The following FAM117B variants were observed in gnomAD, a reference collection of about 807,000 sequenced individuals.
FAM117B encodes the protein family with sequence similarity 117 member B.
FAM117B carries 22 observed loss-of-function variants against 52.8 expected under a neutral mutation model. The ratio of observed to expected loss-of-function variants is 0.42; its 90% CI spans 0.30 to 0.59. The LOEUF (loss-of-function observed/expected upper bound fraction) is 0.59, where lower values mean the gene tolerates loss of function less well. FAM117B is among the 20% of genes least tolerant of loss of function. FAM117B has a pLI of 0.22. For synonymous variants in FAM117B, 309 were observed against 324.1 expected, an observed-to-expected ratio of 0.95 and a Z score of 0.50; for missense variants, 678 against 802.6, an observed-to-expected ratio of 0.84 and a Z score of 1.88.
At chr2:202,748,599 TAAA>T (rs1691671529) in intron 4 of FAM117B, among the ~76,000 whole-genome samples, 1 of 151,858 alleles carries the variant, frequency 6.6e-6, no homozygotes, top group Non-Finnish European at 1.5e-5. Context: ...AGAATCCCAT[TAAA>T]AAATGGGCAA....
At position 202,635,114 on chromosome 2, in the gene FAM117B, C is replaced by T. The variant is rs1574534125; in HGVS notation, c.-74C>T. 4 of 1,251,076 alleles carry T rather than the reference C, an allele frequency of 3.2e-6. No homozygotes were observed. The South Asian group carries it at 1.2e-4, about 38-fold the overall frequency. 77.5% of individuals were successfully genotyped at this position (1,251,076 alleles called of 1,614,324 possible). A position where few individuals can be genotyped will look rare whatever the true frequency, so the allele number is the denominator to read the frequency against. Reference sequence around the variant, plus strand: ...TCTTGGGGGGCCTGCCCTCCGGCCTCGAGAATCCTCCCCCTGCAGCCCAAC... The same window carrying T: ...TCTTGGGGGGCCTGCCCTCCGGCCTTGAGAATCCTCCCCCTGCAGCCCAAC... On this transcript the variant is annotated 5_prime_UTR_variant, in exon 1 of 8. It introduces an in-frame stop codon into an upstream open reading frame of the 5' UTR. Transcript: ENST00000392238.
chr2:202,755,923 G>GTATTTAGAAACCATTAGGTGATA (rs1239026755), intron 5 of FAM117B, among the ~76,000 whole-genome samples: 1 of 152,120 alleles, frequency 6.6e-6, no homozygotes, highest in Non-Finnish European at 1.5e-5. Flanking sequence ...TTGTTTGTCT[G>GTATTTAGAAACCATTAGGTGATA]TATTTAGAAA....
chr2:202,676,994 A>G (rs1458505323), intron 1 of FAM117B, among the ~76,000 whole-genome samples: 1 of 152,042 alleles, frequency 6.6e-6, no homozygotes, highest in Non-Finnish European at 1.5e-5. Flanking sequence ...CACCCTTACC[A>G]CTAATAGCAT....
At chr2:202,749,655 C>T (rs1334265810) in intron 4 of FAM117B, among the ~76,000 whole-genome samples, 20 of 152,092 alleles carry the variant, frequency 1.3e-4, no homozygotes, top group Non-Finnish European at 5.9e-5. Flanking sequence ...AGTCCAGGCA[C>T]AGTGACTCAT....
intron 1 of FAM117B, among the ~76,000 whole-genome samples, chr2:202,690,367 GAA>G (rs531984778): frequency 1.5e-3 from 223 of 152,122 alleles, no homozygotes; most frequent in African/African-American, 4.9e-3. Context: ...AATTAACAAA[GAA>G]AATTAATTTT....
intron 1 of FAM117B, among the ~76,000 whole-genome samples, chr2:202,656,291 G>C (rs1245763566): frequency 6.6e-6 from 1 of 152,040 alleles, no homozygotes; most frequent in East Asian, 1.9e-4. Context: ...TGGTTTCTCA[G>C]ATGGAAGCTT....
intron 3 of FAM117B, among the ~76,000 whole-genome samples, chr2:202,725,921 A>G (rs1316115906): frequency 1.3e-5 from 2 of 152,250 alleles, no homozygotes; most frequent in Non-Finnish European, 2.9e-5. Flanking sequence ...CTAAATTGAA[A>G]TAAAAATTAA....
chr2:202,675,764 C>G (rs1240829044), intron 1 of FAM117B, among the ~76,000 whole-genome samples: 1 of 152,034 alleles, frequency 6.6e-6, no homozygotes, highest in East Asian at 1.9e-4. Context: ...GTGGGCAGAT[C>G]ACTTGAGGTC....
intron 1 of FAM117B, among the ~76,000 whole-genome samples, chr2:202,691,150 C>T (rs1690615712): frequency 6.6e-6 from 1 of 152,066 alleles, no homozygotes; most frequent in Non-Finnish European, 1.5e-5. Context: ...CATGGTGGCT[C>T]ACGTCTGTAA....
At chr2:202,703,640 C>T (rs778706796) in intron 2 of FAM117B, among the ~76,000 whole-genome samples, 1 of 152,204 alleles carries the variant, frequency 6.6e-6, no homozygotes, top group Non-Finnish European at 1.5e-5. Flanking sequence ...AGGCAAGAGC[C>T]ATCACACCTG....
chr2:202,714,138 A>T (rs892414303), intron 2 of FAM117B, among the ~76,000 whole-genome samples: 1 of 152,102 alleles, frequency 6.6e-6, no homozygotes, highest in African/African-American at 2.4e-5. Flanking sequence ...CATTATTGAT[A>T]TCTAGTTTTA....
chr2:202,767,499 G>C lies in FAM117B; in HGVS notation c.*1735G>C, dbSNP rs983811944. On this transcript the variant is annotated 3_prime_UTR_variant, in exon 8 of 8. Transcript: ENST00000392238. ...TTTTAAAAGTGAGTTTCAGCAAACA[G>C]TATTGAATAAAAGCATCCTTTTCAT... 1 of 152,142 alleles carries C rather than the reference G, an allele frequency of 6.6e-6. No homozygotes were observed. The highest frequency in any genetic ancestry group is 1.5e-5 in the Non-Finnish European group (1 of 68,032). The allele number at this position is 152,142 out of a possible 1,614,324, so 9.4% of individuals were successfully genotyped here. A position where few individuals can be genotyped will look rare whatever the true frequency, so the allele number is the denominator to read the frequency against.
intron 5 of FAM117B, 37 bp downstream of exon 5, chr2:202,755,718 CTTATAA>C (rs767322465): frequency 1.9e-6 from 3 of 1,558,872 alleles, no homozygotes; most frequent in East Asian, 2.3e-5. Flanking sequence ...TTCTTGAACT[CTTATAA>C]TTATTAAAAA....
intron 1 of FAM117B, among the ~76,000 whole-genome samples, chr2:202,685,442 A>C (rs959059703): frequency 6.6e-6 from 1 of 152,134 alleles, no homozygotes; most frequent in Non-Finnish European, 1.5e-5. Context: ...TTAACATCAT[A>C]TTTTTTTCTT....
At chr2:202,694,140 A>G (rs1165599373) in intron 1 of FAM117B, among the ~76,000 whole-genome samples, 1 of 149,382 alleles carries the variant, frequency 6.7e-6, no homozygotes, top group Non-Finnish European at 1.5e-5. Flanking sequence ...ATTTTGATGT[A>G]TCAAAGCTTG....
chr2:202,697,837 A>G (rs1356096648), intron 2 of FAM117B, among the ~76,000 whole-genome samples: 1 of 151,992 alleles, frequency 6.6e-6, no homozygotes, highest in Non-Finnish European at 1.5e-5. Flanking sequence ...GGTGTGAGCC[A>G]CCACACGTGG....
chr2:202,686,208 G>A (rs776942912), intron 1 of FAM117B, among the ~76,000 whole-genome samples: 1 of 152,116 alleles, frequency 6.6e-6, no homozygotes, highest in Non-Finnish European at 1.5e-5. Flanking sequence ...TTAAAGCCAC[G>A]GTGAACCATT....
At chr2:202,668,551 A>AG (rs1690245779) in intron 1 of FAM117B, among the ~76,000 whole-genome samples, 1 of 149,066 alleles carries the variant, frequency 6.7e-6, no homozygotes, top group Non-Finnish European at 1.5e-5. Flanking sequence ...AAAAAAGAAA[A>AG]AGAAGGTATA....
intron 1 of FAM117B, among the ~76,000 whole-genome samples, chr2:202,668,335 G>A (rs1345940990): frequency 6.8e-6 from 1 of 148,074 alleles, no homozygotes; most frequent in Non-Finnish European, 1.5e-5. Flanking sequence ...AGGCTGAGGT[G>A]GGAGGATGGC....
Sources: gnomAD v4.1 joint callset for allele counts (sites outside exome capture counted in the v4.1 genomes callset) on GRCh38, gnomAD v4.1.1 for gene constraint, MANE v1.5 for transcripts, NCBI Gene and HGNC (gene_info 2026-07-23, HGNC 2026-07-21) for gene names.